DPYD: variants seen among roughly 807,000 people sequenced by gnomAD.
DPYD encodes the protein dihydropyrimidine dehydrogenase [NADP(+)].
A neutral mutation model predicts 116.2 loss-of-function variants in DPYD; 109 were observed. That is an observed-to-expected ratio of 0.94 (90% CI 0.80 to 1.10). DPYD has a LOEUF of 1.10. Among genes scored for constraint, DPYD ranks in the 50% least tolerant of loss-of-function variants. The pLI is 0.00. For missense variants in DPYD, 1,302 were observed against 1,254.5 expected, an observed-to-expected ratio of 1.04 and a Z score of -0.57; for synonymous variants, 440 against 432.0, an observed-to-expected ratio of 1.02 and a Z score of -0.23.
chr1:97,282,340 G>A (rs1665379656), intron 18 of DPYD, among the ~76,000 whole-genome samples: 1 of 150,336 alleles, frequency 6.7e-6, no homozygotes, highest in African/African-American at 2.4e-5. Context: ...TCAAATATTT[G>A]CAATATTTTC....
intron 16 of DPYD, among the ~76,000 whole-genome samples, chr1:97,359,010 T>C (rs1401729953): frequency 6.6e-6 from 1 of 151,994 alleles, no homozygotes; most frequent in African/African-American, 2.4e-5. Context: ...ATAACAAACT[T>C]CTCTGAGCTA....
At chr1:97,493,869 A>T (rs1679109622) in intron 13 of DPYD, among the ~76,000 whole-genome samples, 1 of 152,180 alleles carries the variant, frequency 6.6e-6, no homozygotes, top group African/African-American at 2.4e-5. Flanking sequence ...AAATCACATC[A>T]TTTCCATCTG....
In DPYD at chr1:97,828,142, C is replaced by T; in HGVS notation, c.205G>A (p.Glu69Lys). 4.3e-6 allele frequency: 7 copies of T among 1,613,770 alleles called. No homozygotes were observed. Among genetic ancestry groups the T allele is most frequent in the Non-Finnish European group, 5.9e-6 (7 of 1,179,852 alleles). Residue 69 changes from glutamate to lysine, a missense_variant, in exon 3 of 23, where the codon GAG (glutamate) becomes AAG (lysine). Glu to Lys is a moderately conservative substitution (Grantham distance 56). Coordinates refer to ENST00000370192, the MANE Select transcript of DPYD (RefSeq NM_000110.4). ...FDDIKHTTLG[E>K]RGALREAMRC... Reference sequence around the variant, plus strand: ...ATTGCTTCTCGGAGAGCTCCTCGCTCACCAAGAGTCGTGTGCTTGATGTCA... The same window carrying T: ...ATTGCTTCTCGGAGAGCTCCTCGCTTACCAAGAGTCGTGTGCTTGATGTCA...
chr1:97,487,470 G>T (rs549979756), intron 13 of DPYD, among the ~76,000 whole-genome samples: 3 of 151,828 alleles, frequency 2.0e-5, no homozygotes, highest in Non-Finnish European at 2.9e-5. Context: ...TCAGGAGATC[G>T]ACACCATCCT....
At chr1:97,322,905 G>T (rs1668383812) in intron 16 of DPYD, 1 of 151,902 alleles carries the variant, frequency 6.6e-6, no homozygotes, top group East Asian at 1.9e-4. Context: ...TGTTACTTTA[G>T]GAATGGGTGT....
Position 97,346,468 on chromosome 1 carries a change from C to A in DPYD, c.2058+27093G>T, listed in dbSNP as rs182163593. Among the ~76,000 whole-genome samples, 4 of 151,730 alleles carry A rather than the reference C, an allele frequency of 2.6e-5. No homozygotes were observed. The East Asian group carries it at 7.7e-4, about 29-fold the overall frequency. On this transcript the variant is annotated intron_variant, in intron 16 of 22. Coordinates refer to ENST00000370192, the MANE Select transcript of DPYD (RefSeq NM_000110.4). ...TGTTTATTCCTAATTTATATCTTGT[C>A]TTTTCGTTTTCCTCATGGTATTTTT...
At chr1:97,778,200 G>A (rs1281800849) in intron 3 of DPYD, among the ~76,000 whole-genome samples, 5 of 126,540 alleles carry the variant, frequency 4.0e-5, no homozygotes, top group Non-Finnish European at 6.6e-5. Flanking sequence ...GAGAGAGAGA[G>A]AGAGAGAGAG....
At chr1:97,551,958 A>C (rs1289624878) in intron 11 of DPYD, among the ~76,000 whole-genome samples, 1 of 152,156 alleles carries the variant, frequency 6.6e-6, no homozygotes, top group Non-Finnish European at 1.5e-5. Flanking sequence ...AAGATGATTT[A>C]AAGTATATGG....
chr1:97,388,546 A>G (rs1370296845), intron 14 of DPYD, among the ~76,000 whole-genome samples: 3 of 152,118 alleles, frequency 2.0e-5, no homozygotes, highest in African/African-American at 7.2e-5. Flanking sequence ...ACCGTGATGA[A>G]TGCTTCTGAA....
At chr1:97,651,956 T>A (rs775778887) in intron 8 of DPYD, among the ~76,000 whole-genome samples, 5 of 152,118 alleles carry the variant, frequency 3.3e-5, no homozygotes, top group Non-Finnish European at 7.4e-5. Context: ...ATCTACCTAC[T>A]ATAATTTTTA....
rs1479718596 is a variant in DPYD, at chr1:97,134,012, AAAATATATATATATATATATAT to A, written c.2623-35402_2623-35381del. Among the ~76,000 whole-genome samples, 208 of 48,838 alleles carry A rather than the reference AAAATATATATATATATATATAT, an allele frequency of 4.3e-3. 18 individuals are homozygous for A. The highest frequency in any genetic ancestry group is 0.014 in the African/African-American group (158 of 11,070). 32.0% of individuals were successfully genotyped at this position (48,838 alleles called of 152,430 possible). A position where few individuals can be genotyped will look rare whatever the true frequency, so the allele number is the denominator to read the frequency against. On this transcript the variant is annotated intron_variant, in intron 20 of 22. Coordinates refer to ENST00000370192, the MANE Select transcript of DPYD (RefSeq NM_000110.4). ...AGACTCTGTTTCAAAAAAAAAAAAAAAAATATATATATATATATATATATATATATATATATATATATATATA... is the reference window on the plus strand; with the variant it reads ...AGACTCTGTTTCAAAAAAAAAAAAAAATATATATATATATATATATATATA...
intron 5 of DPYD, chr1:97,720,953 C>T: frequency 1.2e-6 from 2 of 1,603,290 alleles, no homozygotes; most frequent in Non-Finnish European, 8.5e-7. Context: ...AAAAAAAGTG[C>T]TCTCATTTTA....
chr1:97,224,541 C>A (rs1165988909), intron 19 of DPYD, among the ~76,000 whole-genome samples: 1 of 151,840 alleles, frequency 6.6e-6, no homozygotes, highest in Non-Finnish European at 1.5e-5. Flanking sequence ...ACTCTCTTAG[C>A]AAATATCTAG....
intron 1 of DPYD, among the ~76,000 whole-genome samples, chr1:97,903,008 G>T (rs1294179608): frequency 6.6e-6 from 1 of 151,770 alleles, no homozygotes; most frequent in East Asian, 1.9e-4. Context: ...GATAAATATT[G>T]CATCGTAATT....
chr1:97,279,657 G>T (rs1194272069), intron 18 of DPYD, among the ~76,000 whole-genome samples: 2 of 152,152 alleles, frequency 1.3e-5, no homozygotes, highest in African/African-American at 4.8e-5. Context: ...CAACAGGTGT[G>T]CATGACCATG....
intron 20 of DPYD, among the ~76,000 whole-genome samples, chr1:97,138,023 C>G (rs553102147): frequency 7.4e-4 from 113 of 152,270 alleles, no homozygotes; most frequent in African/African-American, 2.6e-3. Context: ...GCAAACATAT[C>G]TCTTATCAGC....
intron 1 of DPYD, among the ~76,000 whole-genome samples, chr1:97,902,366 G>C (rs1378875269): frequency 1.3e-5 from 2 of 151,742 alleles, no homozygotes; most frequent in African/African-American, 4.8e-5. Context: ...CTTCTGATAA[G>C]AAACCATACT....
rs548121687 is a variant in DPYD, at chr1:97,451,913, A to G, written c.1741-1690T>C. 2.0e-5 allele frequency among the ~76,000 whole-genome samples: 3 copies of G among 152,236 alleles called. No individual in the cohort carries two copies. In the South Asian group the frequency reaches 6.2e-4, roughly 32 times the overall value. On this transcript the variant is annotated intron_variant, in intron 13 of 22. Coordinates refer to ENST00000370192, the MANE Select transcript of DPYD (RefSeq NM_000110.4). ...CTCTTCACCTAAGTAAGTCCAACCT[A>G]GGCCACAAGTTGTTCTCTACACAGG...
chr1:97,706,226 T>G (rs1557896477), intron 5 of DPYD, among the ~76,000 whole-genome samples: 1 of 152,002 alleles, frequency 6.6e-6, no homozygotes, highest in Non-Finnish European at 1.5e-5. Context: ...ATTAATAAAT[T>G]AACTTTACAA....
Sources: allele counts gnomAD v4.1 joint callset (sites outside exome capture counted in the v4.1 genomes callset), GRCh38; gene constraint gnomAD v4.1.1; transcripts MANE v1.5; gene names NCBI Gene and HGNC (gene_info 2026-07-23, HGNC 2026-07-21).